Variants in SOX6 observed in about 807,000 individuals in gnomAD.
SOX6 encodes the protein transcription factor SOX-6.
Under a neutral mutation model 97.8 loss-of-function variants are expected in SOX6, and 11 were observed. That is an observed-to-expected ratio of 0.11 (90% CI 0.07 to 0.19). SOX6 has a LOEUF of 0.19. Ranked by LOEUF, SOX6 falls within the 10% of genes least tolerant of loss-of-function variation. The pLI is 1.00. For synonymous variants in SOX6, 360 were observed against 371.4 expected (o/e 0.97, Z 0.35); for missense variants, 810 against 1,039.5 (o/e 0.78, Z 3.04).
chr11:16,399,325 TA>T, intron 1 of SOX6, among the ~76,000 whole-genome samples: 1 of 150,546 alleles, frequency 6.6e-6, no homozygotes, highest in South Asian at 2.1e-4. Flanking sequence ...AAAGCAGTAA[TA>T]TTTTTATTGT....
intron 4 of SOX6, among the ~76,000 whole-genome samples, chr11:16,501,101 C>T (rs1860699714): frequency 6.6e-6 from 1 of 151,996 alleles, no homozygotes; most frequent in African/African-American, 2.4e-5. Context: ...GGTACTGGTA[C>T]CAAAACAGAT....
chr11:16,495,406 C>T (rs967392719), intron 4 of SOX6, among the ~76,000 whole-genome samples: 9 of 152,192 alleles, frequency 5.9e-5, no homozygotes, highest in African/African-American at 1.4e-4. Context: ...GACAGATCCA[C>T]CTGGCAGTGC....
intron 1 of SOX6, among the ~76,000 whole-genome samples, chr11:16,457,498 T>C (rs1369151105): frequency 6.6e-6 from 1 of 151,984 alleles, no homozygotes. Context: ...ACCAAATATA[T>C]AATAAATTTT....
intron 3 of SOX6, among the ~76,000 whole-genome samples, chr11:16,259,161 T>C (rs1853793526): frequency 6.6e-6 from 1 of 151,908 alleles, no homozygotes; most frequent in Admixed American, 6.6e-5. Context: ...TGAAAATATA[T>C]TTATTTCAAA....
At chr11:16,556,189 AATT>A (rs1169108202) in intron 4 of SOX6, among the ~76,000 whole-genome samples, 1 of 151,742 alleles carries the variant, frequency 6.6e-6, no homozygotes, top group Non-Finnish European at 1.5e-5. Context: ...ACTCAGTCAT[AATT>A]ATTAGAAATT....
intron 4 of SOX6, among the ~76,000 whole-genome samples, chr11:16,534,433 T>A (rs1001874352): frequency 6.6e-6 from 1 of 152,130 alleles, no homozygotes; most frequent in African/African-American, 2.4e-5. Context: ...TTGCCTTGTA[T>A]ATAAAATGAA....
chr11:16,209,066 A>G (rs867107219), intron 4 of SOX6, among the ~76,000 whole-genome samples: 1 of 152,242 alleles, frequency 6.6e-6, no homozygotes, highest in African/African-American at 2.4e-5. Flanking sequence ...AGAAGCATAC[A>G]TGGGAATTCA....
intron 3 of SOX6, among the ~76,000 whole-genome samples, chr11:16,297,973 T>C (rs1028727607): frequency 6.6e-6 from 1 of 152,160 alleles, no homozygotes; most frequent in Non-Finnish European, 1.5e-5. Context: ...TCTTTTTCAC[T>C]TTTTTACTTT....
chr11:16,299,729 G>T (rs1565077580), intron 3 of SOX6, among the ~76,000 whole-genome samples: 1 of 151,914 alleles, frequency 6.6e-6, no homozygotes, highest in African/African-American at 2.4e-5. Flanking sequence ...TACAATCCAG[G>T]TGTAAAAAAC....
At chr11:16,196,174 T>C (rs1851769055) in intron 4 of SOX6, among the ~76,000 whole-genome samples, 1 of 152,218 alleles carries the variant, frequency 6.6e-6, no homozygotes, top group Non-Finnish European at 1.5e-5. Flanking sequence ...AGTCATCTAT[T>C]CCTCACAACA....
intron 1 of SOX6, among the ~76,000 whole-genome samples, chr11:16,419,560 T>A (rs763394912): frequency 6.6e-5 from 10 of 152,072 alleles, no homozygotes; most frequent in Non-Finnish European, 1.5e-4. Flanking sequence ...AAATATCTTA[T>A]TTTCTCTAAA....
chr11:16,261,965 A>C (rs1247205003), intron 3 of SOX6, among the ~76,000 whole-genome samples: 2 of 152,062 alleles, frequency 1.3e-5, no homozygotes, highest in Non-Finnish European at 2.9e-5. Context: ...AATGAAAACA[A>C]ATTATCAACT....
chr11:16,394,510 C>T (rs1858286881), intron 1 of SOX6, among the ~76,000 whole-genome samples: 1 of 151,812 alleles, frequency 6.6e-6, no homozygotes, highest in African/African-American at 2.4e-5. Flanking sequence ...ACATAGAATA[C>T]AATATAAGTA....
At chr11:16,396,587 T>C (rs1012099803) in intron 1 of SOX6, among the ~76,000 whole-genome samples, 10 of 151,782 alleles carry the variant, frequency 6.6e-5, no homozygotes, top group Admixed American at 5.9e-4. Context: ...AATTGCAATG[T>C]AAGGCAAGTT....
chr11:16,055,799 C>T lies in SOX6; in HGVS notation c.1204G>A (p.Gly402Arg). 6.2e-7 allele frequency: 1 copy of T among 1,613,708 alleles called. No homozygotes were observed. Among genetic ancestry groups the T allele is most frequent in the Admixed American group, 1.7e-5 (1 of 59,906 alleles). ...GTCCCTCTCTTTTCATTTTTTATCC[C>T]AGTAGGTGAGACCGTCCCTGCTGTG... is the stretch of plus-strand genomic sequence containing the variant. The part of the protein sequence containing the change: ...PNTAGTVSPT[G>R]IKNEKRGTSP... Residue 402 changes from glycine to arginine, a missense_variant, in exon 10 of 16, where the codon GGG becomes AGG. Physicochemically the swap from Gly to Arg is moderately radical, Grantham distance 125. Coordinates refer to ENST00000683767, the MANE Select transcript of SOX6 (RefSeq NM_001367873.1).
chr11:16,236,948 G>A (rs950076876), intron 3 of SOX6, among the ~76,000 whole-genome samples: 4 of 151,936 alleles, frequency 2.6e-5, no homozygotes, highest in African/African-American at 9.7e-5. Context: ...GCAATGCTCA[G>A]TTAATCTAGC....
intron 12 of SOX6, among the ~76,000 whole-genome samples, chr11:16,016,398 T>C (rs1207289382): frequency 6.6e-6 from 1 of 152,020 alleles, no homozygotes; most frequent in East Asian, 1.9e-4. Context: ...GCAACAAAAA[T>C]TACAATCACG....
intron 1 of SOX6, among the ~76,000 whole-genome samples, chr11:16,354,731 C>T (rs1435908761): frequency 6.6e-6 from 1 of 151,964 alleles, no homozygotes; most frequent in Non-Finnish European, 1.5e-5. Flanking sequence ...CAGAAGCAGC[C>T]TTGCAGTATA....
intron 4 of SOX6, among the ~76,000 whole-genome samples, chr11:16,494,420 G>T (rs1037282162): frequency 6.6e-6 from 1 of 151,976 alleles, no homozygotes. Flanking sequence ...AATGAGAAAG[G>T]CTACACATCC....
Sources: gnomAD v4.1 joint callset for allele counts (sites outside exome capture counted in the v4.1 genomes callset) on GRCh38, gnomAD v4.1.1 for gene constraint, MANE v1.5 for transcripts, NCBI Gene and HGNC (gene_info 2026-07-23, HGNC 2026-07-21) for gene names.